The following TAF1C variants were observed in gnomAD, a reference collection of about 807,000 sequenced individuals.
The protein encoded by TAF1C is TATA box-binding protein-associated factor RNA polymerase I subunit C.
A neutral mutation model predicts 70.5 loss-of-function variants in TAF1C; 79 were observed. The observed-to-expected ratio is 1.12, with a 90% CI of 0.93 to 1.35. The LOEUF (loss-of-function observed/expected upper bound fraction) is 1.35, where lower values mean the gene tolerates loss of function less well. Among genes scored for constraint, TAF1C ranks in the 40% most tolerant of loss-of-function variants. The pLI is 0.00. For synonymous variants in TAF1C, 614 were observed against 491.1 expected, an observed-to-expected ratio of 1.25 and a Z score of -3.31; for missense variants, 1,412 against 1,127.8, an observed-to-expected ratio of 1.25 and a Z score of -3.61.
chr16:84,185,196 C>A, intron 1 of TAF1C, 136 bp from the exon 2 acceptor site: 1 of 532,686 alleles, frequency 1.9e-6, no homozygotes, highest in South Asian at 3.1e-5. Context: ...AGAAGGGGAT[C>A]TGGTAGTGGG....
At chr16:84,181,530 C>T (rs778969167) in intron 10 of TAF1C, 62 bp downstream of exon 10, 5 of 1,613,748 alleles carry the variant, frequency 3.1e-6, no homozygotes, top group Non-Finnish European at 3.4e-6. Flanking sequence ...AGGGTCGCGA[C>T]ATGCTCAACA....
chr16:84,178,335 C>T lies in TAF1C; in HGVS notation c.*606G>A. The T allele has an allele frequency of 2.2e-6, 1 of 456,720 alleles. No homozygotes were observed. The highest frequency in any genetic ancestry group is 1.5e-5 in the South Asian group (1 of 64,564). The allele number at this position is 456,720 out of a possible 1,614,324, so 28.3% of individuals were successfully genotyped here. ...GCATGAGCTCAGTGTCAGGTAGTAG[C>T]TGTGGCGGGACGCTGTCCAGCCTAA... On this transcript the variant is annotated 3_prime_UTR_variant, in exon 15 of 15. Transcript: ENST00000566732.
intron 1 of TAF1C, among the ~76,000 whole-genome samples, chr16:84,186,219 C>G (rs1453686821): frequency 6.6e-6 from 1 of 152,182 alleles, no homozygotes; most frequent in African/African-American, 2.4e-5. Context: ...TCGCATGCAC[C>G]GAAATGCAAA....
rs372871954 is a variant in TAF1C at position 84,183,480 on chromosome 16, C to T, written c.248G>A (p.Arg83Gln). The change falls in exon 4 of 15, where the codon CGG becomes CAG. Residue 83 changes from arginine (R) to glutamine (Q), a missense_variant. Coordinates refer to ENST00000566732, the MANE Select transcript of TAF1C (RefSeq NM_001243156.2). ...GCACCCTCCGCGGAAAAGCAGGTCC[C>T]GGGCAGTCAGGCCAGGGTCCCAGGG... ...IDPWDPGLTA[R>Q]DLLFRGGCRY... 119 of 1,611,258 alleles carry T rather than the reference C, an allele frequency of 7.4e-5. No homozygotes were observed. The Middle Eastern group carries it at 2.8e-3, about 38-fold the overall frequency.
In TAF1C at chr16:84,182,785, C is replaced by G. The variant is rs2089276769; in HGVS notation, c.482+291G>C. On this transcript the variant is annotated intron_variant, in intron 6 of 14. Transcript: ENST00000566732. The surrounding 1 kb of genome is among the most constrained non-coding windows in gnomAD (Gnocchi z 5.0). Reference sequence around the variant, plus strand: ...TTGCTGCTACCTAGAGACAGCCTGTCTAGGGAACTGTGCAGGGAGAGGCAA... The same window carrying G: ...TTGCTGCTACCTAGAGACAGCCTGTGTAGGGAACTGTGCAGGGAGAGGCAA... Among the ~76,000 whole-genome samples, 1 of 151,960 alleles carries G rather than the reference C, an allele frequency of 6.6e-6. No individual in the cohort carries two copies. The highest frequency in any genetic ancestry group is 2.4e-5 in the African/African-American group (1 of 41,418).
At chr16:84,183,596 C>T in intron 3 of TAF1C, 89 bp from the exon 4 acceptor site, 1 of 1,541,576 alleles carries the variant, frequency 6.5e-7, no homozygotes, top group Non-Finnish European at 8.9e-7. Flanking sequence ...GGGTCCTGAG[C>T]AGGCACAGGC....
chr16:84,181,464 C>G lies in TAF1C; in HGVS notation c.1029-1G>C. The G allele has an allele frequency of 6.2e-7, 1 of 1,613,698 alleles. No individual in the cohort carries two copies. The highest frequency in any genetic ancestry group is 8.5e-7 in the Non-Finnish European group (1 of 1,179,948). The stretch of plus-strand genomic sequence containing the variant: ...AGGGTCCCTGTAGATTTGCCGCAGC[C>G]TTGGGGAGACAGGCAAGCCGTGGGC... On this transcript the variant is annotated splice_acceptor_variant, in intron 10 of 14. Transcript: ENST00000566732. LOFTEE classifies it high-confidence loss of function.
At chr16:84,180,520 T>C in intron 12 of TAF1C, 176 bp from the exon 13 acceptor site, 1 of 672,520 alleles carries the variant, frequency 1.5e-6, no homozygotes, top group Non-Finnish European at 2.4e-6. Flanking sequence ...CAGGTGCCGC[T>C]TCCTTCACCA....
At chr16:84,180,419 T>C in intron 12 of TAF1C, 75 bp from the exon 13 acceptor site, 1 of 1,453,492 alleles carries the variant, frequency 6.9e-7, no homozygotes, top group Non-Finnish European at 9.2e-7. Flanking sequence ...AGGCCCCATG[T>C]GGCTCTCCAG....
intron 10 of TAF1C, 49 bp from the exon 11 acceptor site, chr16:84,181,512 G>C (rs2089190599): frequency 6.2e-7 from 1 of 1,613,544 alleles, no homozygotes; most frequent in South Asian, 1.1e-5. Flanking sequence ...TGATGGGGAA[G>C]GGGCTCAAGG....
chr16:84,178,438 T>G lies in TAF1C; in HGVS notation c.*503A>C. Reference sequence around the variant, plus strand: ...AACCTGGATCCAAGGCATCTCCCTGTAGGAAACATCAGACCGGGGCAGAGA... The same window carrying G: ...AACCTGGATCCAAGGCATCTCCCTGGAGGAAACATCAGACCGGGGCAGAGA... On this transcript the variant is annotated 3_prime_UTR_variant, in exon 15 of 15. Coordinates refer to ENST00000566732, the MANE Select transcript of TAF1C (RefSeq NM_001243156.2). 1 of 458,108 alleles carries G rather than the reference T, an allele frequency of 2.2e-6. No homozygotes were observed. Among genetic ancestry groups the G allele is most frequent in the South Asian group, 1.5e-5 (1 of 64,576 alleles). The allele number at this position is 458,108 out of a possible 1,614,324, so 28.4% of individuals were successfully genotyped here.
At chr16:84,184,317 GTCTC>G (rs1436635700) in intron 2 of TAF1C, among the ~76,000 whole-genome samples, 1 of 152,150 alleles carries the variant, frequency 6.6e-6, no homozygotes, top group Non-Finnish European at 1.5e-5. Flanking sequence ...CTGCTCCACT[GTCTC>G]TCTTTTTATT....
rs754880601 is a variant in TAF1C at position 84,181,627 on chromosome 16, G to T, written c.993C>A (p.Arg331=). ...HLPGELAICS[R]SGAVCLWSPE... is the part of the protein sequence containing the mutation. ...GGCTCCACAGGCAGACGGCTCCCGA[G>T]CGGCTGCAGATGGCCAGCTCCCCGG... The change falls in exon 10 of 15, where the codon CGC becomes CGA. Residue 331 remains arginine (R), a synonymous_variant. Transcript: ENST00000566732. 1 of 1,613,862 alleles carries T rather than the reference G, an allele frequency of 6.2e-7. No homozygotes were observed. Among genetic ancestry groups the T allele is most frequent in the Non-Finnish European group, 8.5e-7 (1 of 1,179,982 alleles).
chr16:84,182,121 C>A lies in TAF1C; in HGVS notation c.722-63G>T. 1.3e-6 allele frequency: 2 copies of A among 1,592,556 alleles called. No homozygotes were observed. The highest frequency in any genetic ancestry group is 1.7e-6 in the Non-Finnish European group (2 of 1,168,182). ...TCACTGCAAGCCCCCCAAATTCCTG[C>A]CCTTCTCTGGACCATGCCAAGAGCA... On this transcript the variant is annotated intron_variant, in intron 7 of 14. Transcript: ENST00000566732. This position sits in a 1 kb window ranked among gnomAD's most constrained non-coding sequence, Gnocchi z 5.0.
chr16:84,181,240 G>C (rs548189819), intron 11 of TAF1C, 54 bp from the exon 12 acceptor site: 1 of 1,596,550 alleles, frequency 6.3e-7, no homozygotes, highest in East Asian at 2.3e-5. Context: ...CGGTGACGCT[G>C]TCCTCGCCCA....
Position 84,182,571 on chromosome 16 carries a change from C to T in TAF1C, c.483-131G>A, listed in dbSNP as rs2089265715. 1.2e-6 allele frequency: 1 copy of T among 839,846 alleles called. No homozygotes were observed. Among genetic ancestry groups the T allele is most frequent in the African/African-American group, 1.7e-5 (1 of 58,582 alleles). The allele number at this position is 839,846 out of a possible 1,614,324, so 52.0% of individuals were successfully genotyped here. A position where few individuals can be genotyped will look rare whatever the true frequency, so the allele number is the denominator to read the frequency against. The stretch of plus-strand genomic sequence containing the variant: ...AATTTCTTCCTTTGGGAGACCACCC[C>T]ATCCTGTTCCCATGCCCCGGAAGCA... On this transcript the variant is annotated intron_variant, in intron 6 of 14. Transcript: ENST00000566732. The surrounding 1 kb of genome is among the most constrained non-coding windows in gnomAD (Gnocchi z 5.0).
Position 84,179,512 on chromosome 16 carries a change from C to A in TAF1C, c.1961G>T (p.Gly654Val). 1.9e-6 allele frequency: 3 copies of A among 1,603,864 alleles called. No homozygotes were observed. The highest frequency in any genetic ancestry group is 2.6e-6 in the Non-Finnish European group (3 of 1,175,660). The change falls in exon 15 of 15, where the codon GGT becomes GTT. Residue 654 changes from glycine to valine, a missense_variant. Coordinates refer to ENST00000566732, the MANE Select transcript of TAF1C (RefSeq NM_001243156.2). The part of the protein sequence containing the change: ...RREEEEGQRL[G>V]VLRKAMARGQ... The stretch of plus-strand genomic sequence containing the variant: ...TCGGGCCATGGCCTTGCGGAGCACA[C>A]CCAGCCGCTGCCCTTCCTCTTCCTC...
In TAF1C at chr16:84,181,383, T is replaced by C. The variant is rs1371268998; in HGVS notation, c.1109A>G (p.His370Arg). 1 of 1,613,464 alleles carries C rather than the reference T, an allele frequency of 6.2e-7. No homozygotes were observed. Among genetic ancestry groups the C allele is most frequent in the Non-Finnish European group, 8.5e-7 (1 of 1,179,942 alleles). Residue 370 changes from histidine to arginine, a missense_variant, in exon 11 of 15, where the codon CAC becomes CGC. Coordinates refer to ENST00000566732, the MANE Select transcript of TAF1C (RefSeq NM_001243156.2). ...SSWRWADFTA[H>R]PRVLTVGDRT... ...GTCACCCACGGTCAGCACCCGAGGG[T>C]GCGCAGTGAAGTCTGCCCAACGCCA...
At chr16:84,184,029 G>A (rs997073190) in intron 2 of TAF1C, among the ~76,000 whole-genome samples, 2 of 152,308 alleles carry the variant, frequency 1.3e-5, no homozygotes, top group Non-Finnish European at 1.5e-5. Context: ...TCCTGTTTCC[G>A]ACCTCCACCT....
Sources: gnomAD v4.1 joint callset for allele counts (sites outside exome capture counted in the v4.1 genomes callset) on GRCh38, gnomAD v4.1.1 for gene constraint, Gnocchi (gnomAD v3.1) non-coding constraint, MANE v1.5 for transcripts, NCBI Gene and HGNC (gene_info 2026-07-23, HGNC 2026-07-21) for gene names.